The following DCUN1D2 variants were observed in gnomAD, a reference collection of about 807,000 sequenced individuals.
DCUN1D2 encodes defective in cullin neddylation 1 domain containing 2, also known as DCN1-like protein 2.
Under a neutral mutation model 30.9 loss-of-function variants are expected in DCUN1D2, and 29 were observed. The observed-to-expected ratio is 0.94, with a 90% CI of 0.70 to 1.28. DCUN1D2 has a LOEUF of 1.28. Ranked by LOEUF, DCUN1D2 falls within the 50% of genes most tolerant of loss-of-function variation. DCUN1D2 has a pLI of 0.00. For synonymous variants in DCUN1D2, 121 were observed against 115.3 expected (o/e 1.05, Z -0.32); for missense variants, 325 against 316.9 (o/e 1.03, Z -0.19).
chr13:113,463,646 CCTCT>C (rs1306118071), intron 4 of DCUN1D2, among the ~76,000 whole-genome samples: 14 of 152,268 alleles, frequency 9.2e-5, no homozygotes, highest in South Asian at 2.1e-4. Flanking sequence ...GTAACTTTAT[CCTCT>C]CTATTAGGTT....
rs1197430887 is a variant in DCUN1D2 at position 113,455,834 on chromosome 13, T to A, written c.*2195A>T. On this transcript the variant is annotated 3_prime_UTR_variant, in exon 7 of 7. Transcript: ENST00000478244. ...GGAAACCACGCCCGAGAAAAACCAA[T>A]TTAATGCTTCTGTTCTCAGCATTTC... The A allele has an allele frequency of 6.1e-6, 1 of 164,232 alleles. No individual in the cohort carries two copies. The highest frequency in any genetic ancestry group is 1.3e-5 in the Non-Finnish European group (1 of 76,540). The allele number at this position is 164,232 out of a possible 1,614,324, so 10.2% of individuals were successfully genotyped here. A position where few individuals can be genotyped will look rare whatever the true frequency, so the allele number is the denominator to read the frequency against.
chr13:113,475,815 T>G (rs1371968078), intron 3 of DCUN1D2: 1 of 152,218 alleles, frequency 6.6e-6, no homozygotes, highest in Non-Finnish European at 1.5e-5. Context: ...GTGACCTTCT[T>G]AAAAAAGGGA....
intron 2 of DCUN1D2, among the ~76,000 whole-genome samples, chr13:113,482,259 A>G (rs910286758): frequency 1.3e-5 from 2 of 152,224 alleles, no homozygotes; most frequent in Non-Finnish European, 2.9e-5. Flanking sequence ...AACTGAGTAT[A>G]ATTGCATGAA....
intron 2 of DCUN1D2, 150 bp downstream of exon 2, chr13:113,483,690 A>C: frequency 1.7e-5 from 11 of 647,184 alleles, no homozygotes; most frequent in East Asian, 5.9e-5. Context: ...AAGCAAGTGG[A>C]TTCTGCAGCT....
intron 3 of DCUN1D2, among the ~76,000 whole-genome samples, chr13:113,477,762 T>C (rs967962397): frequency 2.0e-5 from 3 of 151,950 alleles, no homozygotes; most frequent in African/African-American, 7.3e-5. Context: ...TCTTATGCAC[T>C]GGGATGATCC....
chr13:113,472,892 G>A (rs975090710), intron 4 of DCUN1D2, among the ~76,000 whole-genome samples: 6 of 152,158 alleles, frequency 3.9e-5, no homozygotes, highest in South Asian at 2.1e-4. Context: ...GTGTGGGGCC[G>A]AGACGCGTCT....
chr13:113,484,304 T>C, intron 1 of DCUN1D2: 1 of 723,358 alleles, frequency 1.4e-6, no homozygotes, highest in African/African-American at 1.8e-5. Flanking sequence ...CTCTATCCAG[T>C]TCACTCTGCA....
chr13:113,456,583 G>A lies in DCUN1D2; in HGVS notation c.*1446C>T. 2.6e-6 allele frequency: 1 copy of A among 389,868 alleles called. No individual in the cohort carries two copies. The highest frequency in any genetic ancestry group is 4.5e-6 in the Non-Finnish European group (1 of 220,874). 24.2% of individuals were successfully genotyped at this position (389,868 alleles called of 1,614,324 possible). On this transcript the variant is annotated 3_prime_UTR_variant, in exon 7 of 7. Coordinates refer to ENST00000478244, the MANE Select transcript of DCUN1D2 (RefSeq NM_001014283.2). ...AGCAAGGCACGCCTGTGACATGAGA[G>A]TCTCGGCACGTGAGGTAGGGTCAAC...
intron 4 of DCUN1D2, among the ~76,000 whole-genome samples, chr13:113,464,187 A>G (rs949603025): frequency 6.6e-6 from 1 of 152,246 alleles, no homozygotes; most frequent in Non-Finnish European, 1.5e-5. Flanking sequence ...TCATGAAGCA[A>G]AGAAACAAAA....
intron 1 of DCUN1D2, among the ~76,000 whole-genome samples, chr13:113,485,467 T>C (rs2044785574): frequency 6.6e-6 from 1 of 152,110 alleles, no homozygotes; most frequent in South Asian, 2.1e-4. Flanking sequence ...ACACGATTAG[T>C]TAGGAAAATC....
At chr13:113,477,138 T>C (rs1337037564) in intron 3 of DCUN1D2, among the ~76,000 whole-genome samples, 2 of 152,250 alleles carry the variant, frequency 1.3e-5, no homozygotes, top group Non-Finnish European at 2.9e-5. Context: ...CGCGTTTTCA[T>C]AGAAATTTCA....
chr13:113,469,621 C>T (rs1427664694), intron 4 of DCUN1D2, among the ~76,000 whole-genome samples: 1 of 152,176 alleles, frequency 6.6e-6, no homozygotes, highest in African/African-American at 2.4e-5. Flanking sequence ...CCTGAGGGTG[C>T]GGTCATGGCC....
At chr13:113,482,465 G>A (rs1566505747) in intron 2 of DCUN1D2, among the ~76,000 whole-genome samples, 1 of 152,144 alleles carries the variant, frequency 6.6e-6, no homozygotes, top group Non-Finnish European at 1.5e-5. Context: ...GTAGACTAAA[G>A]CTTAACTAAG....
Position 113,468,095 on chromosome 13 carries a change from G to A in DCUN1D2, c.520+6029C>T, listed in dbSNP as rs1007155733. Among the ~76,000 whole-genome samples the A allele has an allele frequency of 2.7e-5, 4 of 150,244 alleles. 1 individual carries two copies. In the South Asian group the frequency reaches 6.4e-4, roughly 24 times the overall value. On this transcript the variant is annotated intron_variant, in intron 4 of 6. Transcript: ENST00000478244. Reference sequence around the variant, plus strand: ...TAAAAGCAGGGTCTAAAACAGATACGTGTACACCCATGTTCATAGCAGTGT... The same window carrying A: ...TAAAAGCAGGGTCTAAAACAGATACATGTACACCCATGTTCATAGCAGTGT...
chr13:113,470,922 AC>A (rs2044497460), intron 4 of DCUN1D2, among the ~76,000 whole-genome samples: 1 of 147,570 alleles, frequency 6.8e-6, no homozygotes, highest in Non-Finnish European at 1.5e-5. Context: ...TCCACAGGGG[AC>A]CCAGCTCCAC....
At position 113,480,432 on chromosome 13, in the gene DCUN1D2, C is replaced by T. The variant is rs116711846; in HGVS notation, c.389+143G>A. On this transcript the variant is annotated intron_variant, in intron 3 of 6. Transcript: ENST00000478244. Reference sequence around the variant, plus strand: ...AAAGGAAACCAAAGGCTTGATAGTGCGGAGAGTACAGACGCATAAGAAATT... The same window carrying T: ...AAAGGAAACCAAAGGCTTGATAGTGTGGAGAGTACAGACGCATAAGAAATT... 3.7e-4 allele frequency: 243 copies of T among 653,392 alleles called. 1 individual carries two copies. In the Middle Eastern group the frequency reaches 4.5e-3, roughly 12 times the overall value. The allele number at this position is 653,392 out of a possible 1,614,324, so 40.5% of individuals were successfully genotyped here. A position where few individuals can be genotyped will look rare whatever the true frequency, so the allele number is the denominator to read the frequency against.
At chr13:113,466,540 T>C (rs1194594575) in intron 4 of DCUN1D2, among the ~76,000 whole-genome samples, 1 of 152,212 alleles carries the variant, frequency 6.6e-6, no homozygotes, top group South Asian at 2.1e-4. Context: ...AAATCTTCAG[T>C]GCCTTTAGAA....
intron 4 of DCUN1D2, among the ~76,000 whole-genome samples, chr13:113,471,260 G>GAA (rs1347936198): frequency 1.5e-4 from 20 of 136,996 alleles, no homozygotes; most frequent in African/African-American, 5.1e-4. Flanking sequence ...ACTTCACAAG[G>GAA]GACCCAACTC....
intron 1 of DCUN1D2, among the ~76,000 whole-genome samples, chr13:113,485,229 T>C (rs2044781041): frequency 6.6e-6 from 1 of 152,154 alleles, no homozygotes; most frequent in Non-Finnish European, 1.5e-5. Context: ...CACAATAATA[T>C]AAGCAGGAAA....
Sources: gnomAD v4.1 joint callset for allele counts (sites outside exome capture counted in the v4.1 genomes callset) on GRCh38, gnomAD v4.1.1 for gene constraint, MANE v1.5 for transcripts, NCBI Gene and HGNC (gene_info 2026-07-23, HGNC 2026-07-21) for gene names.